The following DST variants were observed in gnomAD, a reference collection of about 807,000 sequenced individuals.
DST encodes the protein dystonin, also known as bullous pemphigoid antigen.
Under a neutral mutation model 875.2 loss-of-function variants are expected in DST, and 253 were observed. That is an observed-to-expected ratio of 0.29 (90% CI 0.26 to 0.32). The LOEUF is 0.32. DST is among the 10% of genes least tolerant of loss of function. The probability of loss-of-function intolerance (pLI) is 1.00; values close to 1 mark genes in which losing one functional copy is unlikely to be tolerated. For synonymous variants in DST, 3,124 were observed against 3,197.1 expected (o/e 0.98, Z 0.77); for missense variants, 8,287 against 9,111.6 (o/e 0.91, Z 3.68).
chr6:56,890,178 G>C (rs1225622143), intron 3 of DST, among the ~76,000 whole-genome samples: 3 of 152,152 alleles, frequency 2.0e-5, no homozygotes, highest in Non-Finnish European at 4.4e-5. Context: ...GTATGACCTT[G>C]ACACATTTCC....
chr6:56,480,293 G>A (rs1317739189), intron 90 of DST, among the ~76,000 whole-genome samples: 1 of 152,068 alleles, frequency 6.6e-6, no homozygotes, highest in African/African-American at 2.4e-5. Flanking sequence ...ACATTATAAG[G>A]AAGAGAAAAA....
In DST at chr6:56,508,538, T is replaced by C. The variant is rs769762490; in HGVS notation, c.19230A>G (p.Glu6410=). The part of the protein sequence containing the change: ...IDPSVVKQQQ[E]AAETIREEID... ...GAGATTTTCTGCTTACCTCTGCTGCTTCTTGCTGTTGTTTTACTACTGAAG... is the reference window on the plus strand; with the variant it reads ...GAGATTTTCTGCTTACCTCTGCTGCCTCTTGCTGTTGTTTTACTACTGAAG... Residue 6410 remains glutamate (E), a synonymous_variant, in exon 75 of 104, where the codon GAA becomes GAG. Coordinates refer to ENST00000680361, the MANE Select transcript of DST (RefSeq NM_001374736.1). 2 of 1,613,196 alleles carry C rather than the reference T, an allele frequency of 1.2e-6. No homozygotes were observed. The highest frequency in any genetic ancestry group is 1.3e-5 in the African/African-American group (1 of 74,924).
intron 4 of DST, among the ~76,000 whole-genome samples, chr6:56,756,823 A>ATTT (rs2152957817): frequency 6.6e-6 from 1 of 152,280 alleles, no homozygotes; most frequent in African/African-American, 2.4e-5. Context: ...AAAAGACAAT[A>ATTT]TTTTCTCTGC....
intron 61 of DST, 107 bp downstream of exon 61, chr6:56,552,077 T>C (rs1189268136): frequency 1.0e-5 from 13 of 1,270,100 alleles, no homozygotes; most frequent in Non-Finnish European, 1.4e-5. Flanking sequence ...AAATATTGTA[T>C]GACAATCATT....
intron 5 of DST, among the ~76,000 whole-genome samples, chr6:56,733,533 C>G (rs2099510663): frequency 1.3e-5 from 2 of 152,154 alleles, no homozygotes; most frequent in African/African-American, 4.8e-5. Flanking sequence ...TCACACCAAG[C>G]TGGCATTACC....
At chr6:56,728,114 A>C (rs534203489) in intron 5 of DST, among the ~76,000 whole-genome samples, 1 of 152,358 alleles carries the variant, frequency 6.6e-6, no homozygotes, top group East Asian at 1.9e-4. Context: ...TAAGTTGACC[A>C]CAAGATAGAA....
At position 56,620,161 on chromosome 6, in the gene DST, T is replaced by C. The variant is rs1382790335; in HGVS notation, c.4929+4369A>G. The C allele has an allele frequency of 1.9e-6, 3 of 1,613,560 alleles. No individual in the cohort carries two copies. The African/African-American group carries it at 4.0e-5, about 22-fold the overall frequency. On this transcript the variant is annotated intron_variant, in intron 36 of 103. Transcript: ENST00000680361. ...ATGCAAGGTCTTTTTCCATCTGCTT[T>C]ATCAGCTTCAAGAGTTCTTCCTCAT... is the stretch of plus-strand genomic sequence containing the variant.
Position 56,605,752 on chromosome 6 carries a change from G to C in DST, c.8876C>G (p.Thr2959Arg). 1 of 1,612,690 alleles carries C rather than the reference G, an allele frequency of 6.2e-7. No individual in the cohort carries two copies. The highest frequency in any genetic ancestry group is 8.5e-7 in the Non-Finnish European group (1 of 1,179,286). Reference sequence around the variant, plus strand: ...TGACCCTTGAATCAACTTAACCTTTGTGTTTGCTAGATCAGTACCTAATTC... The same window carrying C: ...TGACCCTTGAATCAACTTAACCTTTCTGTTTGCTAGATCAGTACCTAATTC... Reference protein sequence around the residue: ...TSELGTDLANTKVKLIQGSEL... With the variant: ...TSELGTDLANRKVKLIQGSEL... Residue 2959 changes from threonine to arginine, a missense_variant, in exon 40 of 104, where the codon ACA (threonine) becomes AGA (arginine). Thr to Arg is a moderately conservative substitution (Grantham distance 71, BLOSUM62 -1). Transcript: ENST00000680361.
intron 36 of DST, 111 bp downstream of exon 36, chr6:56,624,419 C>A: frequency 1.3e-6 from 1 of 747,294 alleles, no homozygotes; most frequent in Non-Finnish European, 2.4e-6. Context: ...ACATCTGCTA[C>A]CGGCCACATA....
intron 3 of DST, among the ~76,000 whole-genome samples, chr6:56,880,391 G>A (rs537567495): frequency 6.6e-6 from 1 of 152,246 alleles, no homozygotes; most frequent in East Asian, 1.9e-4. Context: ...ACGTTTCTTA[G>A]AAAGCAGTAT....
intron 77 of DST, 127 bp downstream of exon 77, chr6:56,506,316 T>A: frequency 1.5e-6 from 1 of 663,450 alleles, no homozygotes; most frequent in Non-Finnish European, 2.5e-6. Flanking sequence ...CACAGGCAAC[T>A]GCAGGAATAA....
chr6:56,697,952 G>A (rs149045778), intron 9 of DST, among the ~76,000 whole-genome samples: 17 of 152,262 alleles, frequency 1.1e-4, no homozygotes, highest in African/African-American at 3.9e-4. Flanking sequence ...TGCGCTTCAT[G>A]CCAAATTATT....
chr6:56,747,726 C>A (rs977184848), intron 4 of DST, among the ~76,000 whole-genome samples: 1 of 152,058 alleles, frequency 6.6e-6, no homozygotes, highest in African/African-American at 2.4e-5. Context: ...GAATATACCC[C>A]AAAGCACAGA....
intron 72 of DST, 87 bp from the exon 73 acceptor site, chr6:56,511,487 A>G: frequency 8.8e-7 from 1 of 1,134,264 alleles, no homozygotes. Context: ...CCAGCTGGCA[A>G]GAAACTCCAA....
intron 9 of DST, among the ~76,000 whole-genome samples, chr6:56,683,730 T>C (rs1427972993): frequency 6.6e-6 from 1 of 152,218 alleles, no homozygotes; most frequent in Non-Finnish European, 1.5e-5. Flanking sequence ...GTTTTAACCC[T>C]GCCATGTAAA....
intron 29 of DST, among the ~76,000 whole-genome samples, chr6:56,631,604 T>A (rs1202609591): frequency 1.3e-5 from 2 of 152,222 alleles, no homozygotes; most frequent in Non-Finnish European, 2.9e-5. Context: ...ACATCTAACT[T>A]AGTACTTTTG....
chr6:56,529,750 G>T lies in DST; in HGVS notation c.17293C>A (p.His5765Asn). ...ACAGCCTGGTGTAAATGTTTATTGT[G>T]ATTGATGATGTCATCTTCTAAGGCC... ...HKALEDDIIN[H>N]NKHLHQAVSI... Residue 5765 changes from histidine (H) to asparagine (N), a missense_variant, in exon 66 of 104, where the codon CAC becomes AAC. By Grantham distance (68) the His-to-Asn change is moderately conservative (BLOSUM62 1). Transcript: ENST00000680361. 6.3e-7 allele frequency: 1 copy of T among 1,586,964 alleles called. No individual in the cohort carries two copies. Among genetic ancestry groups the T allele is most frequent in the Non-Finnish European group, 8.6e-7 (1 of 1,167,578 alleles).
intron 2 of DST, among the ~76,000 whole-genome samples, chr6:56,944,789 A>G (rs1339685662): frequency 3.3e-5 from 5 of 152,222 alleles, no homozygotes; most frequent in African/African-American, 1.2e-4. Context: ...CAGACACTAG[A>G]AAAGATAAAA....
chr6:56,619,213 G>A, intron 36 of DST: 1 of 1,613,904 alleles, frequency 6.2e-7, no homozygotes, highest in Non-Finnish European at 8.5e-7. Flanking sequence ...ATCTTTGCTG[G>A]ATAGTTTGTT....
Sources: gnomAD v4.1 joint callset for allele counts (sites outside exome capture counted in the v4.1 genomes callset) on GRCh38, gnomAD v4.1.1 for gene constraint, MANE v1.5 for transcripts, NCBI Gene and HGNC (gene_info 2026-07-23, HGNC 2026-07-21) for gene names.